ADAMTS6: variants seen among roughly 807,000 people sequenced by gnomAD.
The protein encoded by ADAMTS6 is A disintegrin and metalloproteinase with thrombospondin motifs 6.
A neutral mutation model predicts 144.3 loss-of-function variants in ADAMTS6; 23 were observed. That is an observed-to-expected ratio of 0.16 (90% CI 0.11 to 0.23). The LOEUF (loss-of-function observed/expected upper bound fraction) is 0.23, where lower values mean the gene tolerates loss of function less well. Among genes scored for constraint, ADAMTS6 ranks in the 10% least tolerant of loss-of-function variants. The probability of loss-of-function intolerance (pLI) is 1.00; values close to 1 mark genes in which losing one functional copy is unlikely to be tolerated. For missense variants in ADAMTS6, 999 were observed against 1,379.6 expected (o/e 0.72, Z 4.37); for synonymous variants, 444 against 457.5 (o/e 0.97, Z 0.38).
chr5:65,312,926 A>AT (rs1232137725), intron 9 of ADAMTS6, among the ~76,000 whole-genome samples: 1 of 152,018 alleles, frequency 6.6e-6, no homozygotes, highest in Non-Finnish European at 1.5e-5. Flanking sequence ...AACTTTGGCC[A>AT]TTGTAGTCTT....
intron 20 of ADAMTS6, among the ~76,000 whole-genome samples, chr5:65,208,632 A>T (rs893840009): frequency 6.6e-6 from 1 of 152,218 alleles, no homozygotes; most frequent in African/African-American, 2.4e-5. Flanking sequence ...CTACCTATAA[A>T]TTATGACTAG....
At chr5:65,320,520 T>C (rs1745508192) in intron 9 of ADAMTS6, among the ~76,000 whole-genome samples, 1 of 151,876 alleles carries the variant, frequency 6.6e-6, no homozygotes. Flanking sequence ...ATACAAACTA[T>C]TCCAAAAAAT....
At chr5:65,421,132 GT>G (rs1049100771) in intron 7 of ADAMTS6, among the ~76,000 whole-genome samples, 6 of 152,140 alleles carry the variant, frequency 3.9e-5, no homozygotes, top group South Asian at 2.1e-4. Flanking sequence ...AAGATACTTT[GT>G]TTTTTTCATT....
chr5:65,430,058 A>C (rs1239628729), intron 7 of ADAMTS6, among the ~76,000 whole-genome samples: 1 of 152,064 alleles, frequency 6.6e-6, no homozygotes, highest in Non-Finnish European at 1.5e-5. Context: ...AGATAATTTC[A>C]GTTATCATTA....
intron 7 of ADAMTS6, among the ~76,000 whole-genome samples, chr5:65,359,937 A>G (rs1274222721): frequency 2.0e-5 from 3 of 152,210 alleles, no homozygotes; most frequent in African/African-American, 7.2e-5. Context: ...CAGCATGGTG[A>G]CTATAGCTGA....
chr5:65,239,161 A>T (rs1758942492), intron 15 of ADAMTS6, among the ~76,000 whole-genome samples: 1 of 152,000 alleles, frequency 6.6e-6, no homozygotes, highest in African/African-American at 2.4e-5. Flanking sequence ...AGATATACCT[A>T]ATGTAAATGG....
At chr5:65,463,550 T>C (rs967378878) in intron 3 of ADAMTS6, among the ~76,000 whole-genome samples, 4 of 152,200 alleles carry the variant, frequency 2.6e-5, no homozygotes, top group Non-Finnish European at 5.9e-5. Flanking sequence ...CTTTACACTA[T>C]CTGCCTCAGG....
At chr5:65,156,148 T>TTGCTA (rs1752402801) in intron 24 of ADAMTS6, among the ~76,000 whole-genome samples, 1 of 152,214 alleles carries the variant, frequency 6.6e-6, no homozygotes, top group Non-Finnish European at 1.5e-5. Flanking sequence ...TAGAGAGGAC[T>TTGCTA]GATTTGCTGT....
chr5:65,392,572 G>T (rs1056632585), intron 7 of ADAMTS6, among the ~76,000 whole-genome samples: 1 of 152,160 alleles, frequency 6.6e-6, no homozygotes, highest in African/African-American at 2.4e-5. Flanking sequence ...CAGTGGGAAT[G>T]CCTCCAGTAG....
At chr5:65,418,637 T>C (rs1755752952) in intron 7 of ADAMTS6, among the ~76,000 whole-genome samples, 1 of 152,088 alleles carries the variant, frequency 6.6e-6, no homozygotes. Context: ...GAAGAAAATA[T>C]TTGCAAACTA....
chr5:65,398,838 AAGAAAGAAAGAAAAAGAAAG>A (rs1753658489), intron 7 of ADAMTS6, among the ~76,000 whole-genome samples: 1 of 127,976 alleles, frequency 7.8e-6, no homozygotes, highest in African/African-American at 3.1e-5. Context: ...GAAAGAAAGA[AAGAAAGAAAGAAAAAGAAAG>A]AGAAAGAAAG....
chr5:65,387,141 G>A (rs1382078241), intron 7 of ADAMTS6, among the ~76,000 whole-genome samples: 1 of 152,146 alleles, frequency 6.6e-6, no homozygotes, highest in African/African-American at 2.4e-5. Flanking sequence ...ATATAAGGCA[G>A]AATTATTGAT....
At chr5:65,325,171 AG>A (rs1746040451) in intron 9 of ADAMTS6, among the ~76,000 whole-genome samples, 1 of 152,126 alleles carries the variant, frequency 6.6e-6, no homozygotes, top group African/African-American at 2.4e-5. Context: ...TTAACTGTAA[AG>A]GGGACTTTTT....
chr5:65,387,418 A>G (rs1427357813), intron 7 of ADAMTS6, among the ~76,000 whole-genome samples: 1 of 152,206 alleles, frequency 6.6e-6, no homozygotes, highest in Non-Finnish European at 1.5e-5. Flanking sequence ...GCACAGGACT[A>G]GGACTTCACA....
At chr5:65,199,449 G>A (rs192579969) in intron 20 of ADAMTS6, among the ~76,000 whole-genome samples, 4 of 152,272 alleles carry the variant, frequency 2.6e-5, no homozygotes, top group Admixed American at 1.3e-4. Flanking sequence ...ATATGAGTTA[G>A]TAGAGCTGTG....
intron 7 of ADAMTS6, among the ~76,000 whole-genome samples, chr5:65,450,866 T>A (rs1203844209): frequency 6.6e-6 from 1 of 152,130 alleles, no homozygotes; most frequent in Non-Finnish European, 1.5e-5. Flanking sequence ...TCAAAACAGT[T>A]TTGTAAAACT....
chr5:65,372,433 C>G (rs1404997836), intron 7 of ADAMTS6, among the ~76,000 whole-genome samples: 1 of 150,660 alleles, frequency 6.6e-6, no homozygotes, highest in Non-Finnish European at 1.5e-5. Context: ...AAATGGAAAA[C>G]AAAAAAAGGC....
chr5:65,219,241 CATTT>C, intron 18 of ADAMTS6, among the ~76,000 whole-genome samples: 1 of 152,242 alleles, frequency 6.6e-6, no homozygotes, highest in South Asian at 2.1e-4. Context: ...CAGTCACACC[CATTT>C]ATTTATTACC....
intron 12 of ADAMTS6, among the ~76,000 whole-genome samples, chr5:65,266,824 T>G (rs1022115543): frequency 7.9e-5 from 12 of 151,992 alleles, no homozygotes; most frequent in Non-Finnish European, 2.9e-5. Context: ...AAAATGGATC[T>G]CTTTATAATT....
Sources: gnomAD v4.1 joint callset for allele counts (sites outside exome capture counted in the v4.1 genomes callset) on GRCh38, gnomAD v4.1.1 for gene constraint, MANE v1.5 for transcripts, NCBI Gene and HGNC (gene_info 2026-07-23, HGNC 2026-07-21) for gene names.